Variants in EXT1 observed in about 807,000 individuals in gnomAD.
The protein encoded by EXT1 is exostosin-1.
In EXT1, 20 loss-of-function variants were observed where a neutral mutation model predicts 82.5. That is an observed-to-expected ratio of 0.24 (90% CI 0.17 to 0.35). The LOEUF is 0.35. Ranked by LOEUF, EXT1 falls within the 10% of genes least tolerant of loss-of-function variation. EXT1 has a pLI of 1.00. For synonymous variants in EXT1, 348 were observed against 350.8 expected (o/e 0.99, Z 0.09); for missense variants, 757 against 936.5 (o/e 0.81, Z 2.50).
chr8:117,941,638 A>G (rs193177758), intron 1 of EXT1, among the ~76,000 whole-genome samples: 22 of 152,382 alleles, frequency 1.4e-4, no homozygotes, highest in African/African-American at 4.8e-4. Context: ...AGCCTTCTTA[A>G]GAGACCTGGC....
At chr8:117,829,569 C>CTTTTTTTTTTTTTTTTTTT (rs35823668) in intron 4 of EXT1, among the ~76,000 whole-genome samples, 2 of 96,876 alleles carry the variant, frequency 2.1e-5, no homozygotes, top group Non-Finnish European at 4.2e-5. Flanking sequence ...ATATATTTTT[C>CTTTTTTTTTTTTTTTTTTT]TTTTTTTTTT....
At chr8:117,872,982 C>G (rs1030265519) in intron 1 of EXT1, among the ~76,000 whole-genome samples, 1 of 152,176 alleles carries the variant, frequency 6.6e-6, no homozygotes, top group Non-Finnish European at 1.5e-5. Context: ...GAATGTGTGT[C>G]TCCCACAAAT....
rs34159778 is a variant in EXT1 at position 117,933,236 on chromosome 8, A to ATT, written c.963-96037_963-96036dup. On this transcript the variant is annotated intron_variant, in intron 1 of 10. Coordinates refer to ENST00000378204, the MANE Select transcript of EXT1 (RefSeq NM_000127.3). Reference sequence around the variant, plus strand: ...ATCACTCTCAGATGTTCTGCTGGGTATTTTTTTTTTTTTTTTTTTGGTTTA... The same window carrying ATT: ...ATCACTCTCAGATGTTCTGCTGGGTATTTTTTTTTTTTTTTTTTTTTGGTTTA... 4.1e-3 allele frequency among the ~76,000 whole-genome samples: 551 copies of ATT among 133,260 alleles called. 4 individuals are homozygous for ATT. Among genetic ancestry groups the ATT allele is most frequent in the Non-Finnish European group, 4.5e-3 (278 of 62,194 alleles). The allele number at this position is 133,260 out of a possible 152,430, so 87.4% of individuals were successfully genotyped here.
chr8:118,084,705 C>A (rs1041211196), intron 1 of EXT1, among the ~76,000 whole-genome samples: 1 of 152,158 alleles, frequency 6.6e-6, no homozygotes, highest in African/African-American at 2.4e-5. Flanking sequence ...ATTAGGGAAG[C>A]GTTTGATTCC....
chr8:117,811,573 CA>C (rs1385824299), intron 8 of EXT1, among the ~76,000 whole-genome samples: 2 of 151,806 alleles, frequency 1.3e-5, no homozygotes, highest in Non-Finnish European at 2.9e-5. Context: ...TTTGACATAA[CA>C]TCTATGCAAC....
At position 117,961,167 on chromosome 8, in the gene EXT1, TTC is replaced by T. The variant is rs1179077458; in HGVS notation, c.963-123968_963-123967del. 5.3e-5 allele frequency among the ~76,000 whole-genome samples: 8 copies of T among 152,100 alleles called. 1 individual carries two copies. The South Asian group carries it at 1.7e-3, about 32-fold the overall frequency. On this transcript the variant is annotated intron_variant, in intron 1 of 10. Transcript: ENST00000378204. ...TTCCTTCCTTCCCTCCCTTCTGTCT[TTC>T]TCTCTCTTTCTTTTTTTTTAACAGG...
At chr8:118,040,218 T>G (rs899789934) in intron 1 of EXT1, among the ~76,000 whole-genome samples, 16 of 152,154 alleles carry the variant, frequency 1.1e-4, no homozygotes, top group African/African-American at 3.1e-4. Context: ...AAACCACAGA[T>G]TCATACTAAC....
chr8:117,980,508 T>C (rs574616396), intron 1 of EXT1, among the ~76,000 whole-genome samples: 182 of 152,260 alleles, frequency 1.2e-3, no homozygotes, highest in Non-Finnish European at 1.9e-3. Context: ...CAAACTACAC[T>C]AACAGCCCTT....
chr8:117,976,254 A>C (rs1027737368), intron 1 of EXT1, among the ~76,000 whole-genome samples: 1 of 152,254 alleles, frequency 6.6e-6, no homozygotes, highest in East Asian at 1.9e-4. Flanking sequence ...ACCGCCCAGC[A>C]ATTCCTTTGA....
In EXT1 at chr8:117,972,197, A is replaced by G. The variant is rs532673112; in HGVS notation, c.963-134996T>C. 3.9e-5 allele frequency among the ~76,000 whole-genome samples: 6 copies of G among 152,080 alleles called. 1 individual carries two copies. The East Asian group carries it at 1.2e-3, about 29-fold the overall frequency. Reference sequence around the variant, plus strand: ...AAAAAAAAGAAAAATGAAAAACAGAAAAATGAAATGGAATTGGGACCAGAA... The same window carrying G: ...AAAAAAAAGAAAAATGAAAAACAGAGAAATGAAATGGAATTGGGACCAGAA... On this transcript the variant is annotated intron_variant, in intron 1 of 10. Coordinates refer to ENST00000378204, the MANE Select transcript of EXT1 (RefSeq NM_000127.3).
At chr8:117,912,925 A>C (rs764171295) in intron 1 of EXT1, among the ~76,000 whole-genome samples, 1 of 152,198 alleles carries the variant, frequency 6.6e-6, no homozygotes, top group African/African-American at 2.4e-5. Context: ...GGGACAACTG[A>C]GCATTTCTTA....
intron 1 of EXT1, among the ~76,000 whole-genome samples, chr8:117,918,284 A>G (rs1015447405): frequency 2.6e-5 from 4 of 152,186 alleles, no homozygotes; most frequent in Non-Finnish European, 5.9e-5. Context: ...CACCCAACAC[A>G]GTGCCAGGTC....
intron 1 of EXT1, among the ~76,000 whole-genome samples, chr8:117,901,702 CTTTT>C (rs1374515479): frequency 6.6e-6 from 1 of 151,928 alleles, no homozygotes; most frequent in African/African-American, 2.4e-5. Context: ...TTCCTTTTTC[CTTTT>C]TTTGTTTTGA....
chr8:117,930,732 G>A (rs1473852626), intron 1 of EXT1, among the ~76,000 whole-genome samples: 1 of 152,222 alleles, frequency 6.6e-6, no homozygotes, highest in Non-Finnish European at 1.5e-5. Flanking sequence ...ATAAGGCAGA[G>A]ACCTACTAGG....
At chr8:117,928,979 G>A (rs990283177) in intron 1 of EXT1, among the ~76,000 whole-genome samples, 7 of 152,114 alleles carry the variant, frequency 4.6e-5, no homozygotes, top group Admixed American at 4.6e-4. Context: ...TTGAGCCCAG[G>A]TTGATTAAAT....
At chr8:117,824,846 TC>T (rs1025089903) in intron 4 of EXT1, among the ~76,000 whole-genome samples, 1 of 152,030 alleles carries the variant, frequency 6.6e-6, no homozygotes, top group Non-Finnish European at 1.5e-5. Flanking sequence ...TTCTTCTTCT[TC>T]TTTTTCTTTT....
chr8:117,816,625 G>A (rs1811825471), intron 7 of EXT1, among the ~76,000 whole-genome samples: 2 of 152,152 alleles, frequency 1.3e-5, no homozygotes, highest in Admixed American at 6.5e-5. Flanking sequence ...CATCTTGTAA[G>A]AGACATCTGA....
chr8:117,987,470 T>C (rs1025889393), intron 1 of EXT1, among the ~76,000 whole-genome samples: 3 of 152,234 alleles, frequency 2.0e-5, no homozygotes, highest in Non-Finnish European at 2.9e-5. Context: ...CACAGGGCAG[T>C]GCAGGCACTT....
At chr8:117,966,517 A>C (rs1294164478) in intron 1 of EXT1, among the ~76,000 whole-genome samples, 1 of 152,210 alleles carries the variant, frequency 6.6e-6, no homozygotes, top group African/African-American at 2.4e-5. Context: ...ACAGCTAGTT[A>C]GCATAGGGAC....
Sources: allele counts gnomAD v4.1 joint callset (sites outside exome capture counted in the v4.1 genomes callset), GRCh38; gene constraint gnomAD v4.1.1; transcripts MANE v1.5; gene names NCBI Gene and HGNC (gene_info 2026-07-23, HGNC 2026-07-21).